KCND3: variants seen among roughly 807,000 people sequenced by gnomAD.
KCND3 encodes A-type voltage-gated potassium channel KCND3.
KCND3 carries 9 observed loss-of-function variants against 51.1 expected under a neutral mutation model. That is an observed-to-expected ratio of 0.18 (90% CI 0.11 to 0.31). The LOEUF is 0.31. Among genes scored for constraint, KCND3 ranks in the 10% least tolerant of loss-of-function variants. The pLI is 1.00. For missense variants in KCND3, 526 were observed against 903.8 expected (o/e 0.58, Z 5.36); for synonymous variants, 349 against 368.0 (o/e 0.95, Z 0.59).
chr1:111,780,100 T>A lies in KCND3; in HGVS notation c.1461+125A>T. 3 of 1,067,812 alleles carry A rather than the reference T, an allele frequency of 2.8e-6. No individual in the cohort carries two copies. Among genetic ancestry groups the A allele is most frequent in the Non-Finnish European group, 4.2e-6 (3 of 709,660 alleles). The allele number at this position is 1,067,812 out of a possible 1,614,324, so 66.1% of individuals were successfully genotyped here. A position where few individuals can be genotyped will look rare whatever the true frequency, so the allele number is the denominator to read the frequency against. On this transcript the variant is annotated intron_variant, in intron 5 of 7. Coordinates refer to ENST00000302127, the MANE Select transcript of KCND3 (RefSeq NM_001378969.1). This position sits in a 1 kb window ranked among gnomAD's most constrained non-coding sequence, Gnocchi z 4.2. Reference sequence around the variant, plus strand: ...TCCACCTGAGGGCCAGTAGATCCCATCACTACCTTTTGGATCTGAAGGGGA... The same window carrying A: ...TCCACCTGAGGGCCAGTAGATCCCAACACTACCTTTTGGATCTGAAGGGGA...
chr1:111,787,221 G>C (rs773475521), intron 2 of KCND3, 115 bp from the exon 3 acceptor site: 2 of 1,094,878 alleles, frequency 1.8e-6, no homozygotes, highest in Non-Finnish European at 2.7e-6. Flanking sequence ...CAATTGCTTA[G>C]AGTATCTACT....
In KCND3 at chr1:111,982,271, G is replaced by C; in HGVS notation, c.456C>G (p.Asp152Glu). The change falls in exon 2 of 8, where the codon GAC becomes GAG. Residue 152 changes from aspartate (D) to glutamate (E), a missense_variant. By Grantham distance (45) the Asp-to-Glu change is conservative. Around this residue, in one of 5 missense-constraint regions of KCND3, gnomAD observed 159 missense variants for 262.8 expected, o/e 0.61. Transcript: ENST00000302127. The surrounding 1 kb of genome is among the most constrained non-coding windows in gnomAD (Gnocchi z 8.5). ...ENAERLMDDN[D>E]SENNQESMPS... is the part of the protein sequence containing the mutation. ...GCATGGACTCCTGGTTGTTCTCCGA[G>C]TCGTTGTCGTCCATGAGCCGCTCGG... The C allele has an allele frequency of 6.2e-7, 1 of 1,614,158 alleles. No homozygotes were observed. The highest frequency in any genetic ancestry group is 8.5e-7 in the Non-Finnish European group (1 of 1,180,036).
At chr1:111,891,994 G>C (rs1434266521) in intron 2 of KCND3, among the ~76,000 whole-genome samples, 1 of 152,020 alleles carries the variant, frequency 6.6e-6, no homozygotes, top group South Asian at 2.1e-4. Flanking sequence ...GTGTGTGTGT[G>C]TGTGTGTTGG....
chr1:111,869,202 T>C (rs1668725571), intron 2 of KCND3, among the ~76,000 whole-genome samples: 1 of 152,142 alleles, frequency 6.6e-6, no homozygotes, highest in Non-Finnish European at 1.5e-5. Context: ...CTCAAAAAGT[T>C]TGCTTTATCG....
intron 2 of KCND3, among the ~76,000 whole-genome samples, chr1:111,968,918 A>T (rs1002317336): frequency 1.3e-5 from 2 of 152,176 alleles, no homozygotes; most frequent in African/African-American, 4.8e-5. Flanking sequence ...GCTCCCTGGA[A>T]CCAGAATCTC....
intron 2 of KCND3, among the ~76,000 whole-genome samples, chr1:111,880,864 A>G (rs1429822022): frequency 1.3e-5 from 2 of 151,982 alleles, no homozygotes. Flanking sequence ...TTTTTATTCC[A>G]AATGTAAAGA....
chr1:111,881,389 C>T (rs1669304921), intron 2 of KCND3, among the ~76,000 whole-genome samples: 1 of 152,230 alleles, frequency 6.6e-6, no homozygotes, highest in Non-Finnish European at 1.5e-5. Context: ...AAGTGTGCAC[C>T]TGCCCAAGGC....
chr1:111,847,508 G>A (rs1448008208), intron 2 of KCND3, among the ~76,000 whole-genome samples: 1 of 152,188 alleles, frequency 6.6e-6, no homozygotes, highest in Non-Finnish European at 1.5e-5. Flanking sequence ...ATGGGCCTTA[G>A]ATGAGCATTT....
At chr1:111,810,376 A>C (rs1665792736) in intron 2 of KCND3, among the ~76,000 whole-genome samples, 1 of 152,196 alleles carries the variant, frequency 6.6e-6, no homozygotes, top group Non-Finnish European at 1.5e-5. Context: ...TCTTGGTTGC[A>C]CTGTGACCCA....
At chr1:111,819,381 A>C (rs1408892429) in intron 2 of KCND3, among the ~76,000 whole-genome samples, 1 of 145,694 alleles carries the variant, frequency 6.9e-6, no homozygotes, top group Non-Finnish European at 1.5e-5. Context: ...TGTGAAGCCA[A>C]AAAAAAAAAA....
intron 2 of KCND3, among the ~76,000 whole-genome samples, chr1:111,905,796 C>A (rs1279486613): frequency 6.6e-6 from 1 of 152,186 alleles, no homozygotes. Flanking sequence ...TGGGCCCCAC[C>A]CAGGCCCTTT....
At chr1:111,800,732 G>GC (rs982872768) in intron 2 of KCND3, among the ~76,000 whole-genome samples, 3 of 152,184 alleles carry the variant, frequency 2.0e-5, no homozygotes, top group Admixed American at 2.0e-4. Context: ...GAAGCCACTT[G>GC]CCCCCTGCCT....
intron 2 of KCND3, among the ~76,000 whole-genome samples, chr1:111,956,323 G>A: frequency 6.6e-6 from 1 of 152,292 alleles, no homozygotes; most frequent in East Asian, 1.9e-4. Context: ...CGTCATCAGT[G>A]CTCCCGCCAG....
chr1:111,796,401 CA>C (rs35252041), intron 2 of KCND3, among the ~76,000 whole-genome samples: 26 of 147,284 alleles, frequency 1.8e-4, no homozygotes, highest in Admixed American at 2.0e-4. Flanking sequence ...TAGACCAGAC[CA>C]AAAAAAAAAT....
At chr1:111,910,694 T>A (rs1371209388) in intron 2 of KCND3, 1 of 152,144 alleles carries the variant, frequency 6.6e-6, no homozygotes, top group Non-Finnish European at 1.5e-5. Context: ...CAGGCCACAC[T>A]GCCTGGGTTG....
chr1:111,955,189 G>A (rs556875484), intron 2 of KCND3, among the ~76,000 whole-genome samples: 47 of 152,264 alleles, frequency 3.1e-4, no homozygotes, highest in Admixed American at 5.9e-4. Context: ...CACGAGAATC[G>A]CTTAAGCCTA....
intron 2 of KCND3, among the ~76,000 whole-genome samples, chr1:111,845,236 C>T (rs1051200294): frequency 6.6e-6 from 1 of 152,194 alleles, no homozygotes; most frequent in Non-Finnish European, 1.5e-5. Context: ...TTCAATTCTC[C>T]TGGCTTCTGG....
chr1:111,985,876 G>T (rs1391984867), intron 1 of KCND3, among the ~76,000 whole-genome samples: 1 of 152,178 alleles, frequency 6.6e-6, no homozygotes, highest in East Asian at 1.9e-4. Flanking sequence ...TCACTGCTCA[G>T]AGAACAGAAA....
chr1:111,953,299 A>T (rs752946868), intron 2 of KCND3, among the ~76,000 whole-genome samples: 2 of 152,164 alleles, frequency 1.3e-5, no homozygotes, highest in African/African-American at 2.4e-5. Flanking sequence ...CTCTGAAGAG[A>T]GTTACTGGTG....
Sources: gnomAD v4.1 joint callset for allele counts (sites outside exome capture counted in the v4.1 genomes callset) on GRCh38, gnomAD v4.1.1 for gene constraint, gnomAD v4.1.1 regional missense constraint, Gnocchi (gnomAD v3.1) non-coding constraint, MANE v1.5 for transcripts, NCBI Gene and HGNC (gene_info 2026-07-23, HGNC 2026-07-21) for gene names.